The following DCLK1 variants were observed in gnomAD, a reference collection of about 807,000 sequenced individuals.
DCLK1 encodes doublecortin like kinase 1, also known as serine/threonine-protein kinase DCLK1.
A neutral mutation model predicts 86.2 loss-of-function variants in DCLK1; 16 were observed. The ratio of observed to expected loss-of-function variants is 0.19; its 90% CI spans 0.13 to 0.28. The LOEUF (loss-of-function observed/expected upper bound fraction) is 0.28. Ranked by LOEUF, DCLK1 falls within the 10% of genes least tolerant of loss-of-function variation. The probability of loss-of-function intolerance (pLI) is 1.00; values close to 1 mark genes in which losing one functional copy is unlikely to be tolerated. For synonymous variants in DCLK1, 369 were observed against 370.5 expected (o/e 1.00, Z 0.05); for missense variants, 590 against 940.2 (o/e 0.63, Z 4.87).
intron 3 of DCLK1, among the ~76,000 whole-genome samples, chr13:36,033,268 C>A (rs1882357026): frequency 3.3e-5 from 5 of 152,084 alleles, no homozygotes; most frequent in Admixed American, 3.3e-4. Flanking sequence ...TTTGTTATTG[C>A]CCATGTAATT....
intron 15 of DCLK1, among the ~76,000 whole-genome samples, chr13:35,800,535 A>G (rs1345786739): frequency 6.6e-6 from 1 of 152,178 alleles, no homozygotes; most frequent in East Asian, 1.9e-4. Context: ...AGCAAAGGGC[A>G]AGAATACGGC....
At chr13:35,910,814 C>G (rs2182487) in intron 4 of DCLK1, among the ~76,000 whole-genome samples, 52,184 of 152,082 alleles carry the variant, frequency 0.34, 9,929 homozygotes, top group African/African-American at 0.49. Flanking sequence ...AGAAGAGCAT[C>G]CTTCACACAA....
intron 14 of DCLK1, among the ~76,000 whole-genome samples, chr13:35,806,797 G>T (rs184383420): frequency 6.6e-6 from 1 of 152,322 alleles, no homozygotes; most frequent in Admixed American, 6.5e-5. Flanking sequence ...GAGCTGGACA[G>T]GTTCCTGAAG....
At position 35,871,336 on chromosome 13, in the gene DCLK1, A is replaced by G. The variant is rs1314817858; in HGVS notation, c.828T>C (p.Cys276=). 1 of 1,613,628 alleles carries G rather than the reference A, an allele frequency of 6.2e-7. No individual in the cohort carries two copies. Among genetic ancestry groups the G allele is most frequent in the African/African-American group, 1.3e-5 (1 of 74,884 alleles). Residue 276 remains cysteine (C), a synonymous_variant, in exon 5 of 17, where the codon TGT becomes TGC. Transcript: ENST00000360631. ...TGTAAGAAGTGGACTTTACCACTCG[A>G]CATTCTGGGGAAAGAACAAAAACCA... The part of the protein sequence containing the change: ...QDDFLLDESE[C]RVVKSTSYTK...
At chr13:35,882,900 C>G (rs932048144) in intron 4 of DCLK1, among the ~76,000 whole-genome samples, 2 of 152,132 alleles carry the variant, frequency 1.3e-5, no homozygotes, top group Non-Finnish European at 1.5e-5. Context: ...AAAACAAGAA[C>G]AAGAGCTGAG....
chr13:36,065,068 G>A (rs1191260657), intron 3 of DCLK1, among the ~76,000 whole-genome samples: 1 of 152,190 alleles, frequency 6.6e-6, no homozygotes, highest in African/African-American at 2.4e-5. Flanking sequence ...AAGAAAATAT[G>A]CAGTCTATGG....
chr13:36,085,882 T>C (rs1229290119), intron 3 of DCLK1, among the ~76,000 whole-genome samples: 1 of 152,140 alleles, frequency 6.6e-6, no homozygotes, highest in Non-Finnish European at 1.5e-5. Context: ...CTGGCAACTT[T>C]GAATAAACAG....
intron 3 of DCLK1, among the ~76,000 whole-genome samples, chr13:36,005,543 G>A (rs1013688168): frequency 2.0e-5 from 3 of 152,292 alleles, no homozygotes; most frequent in East Asian, 1.9e-4. Flanking sequence ...ACATGCTTTC[G>A]AAGGATATCA....
chr13:35,830,777 A>G (rs1457252418), intron 8 of DCLK1, among the ~76,000 whole-genome samples: 1 of 152,188 alleles, frequency 6.6e-6, no homozygotes, highest in Non-Finnish European at 1.5e-5. Context: ...GTGAGACTGA[A>G]AAATAAAAGC....
At chr13:36,043,820 A>C (rs754608219) in intron 3 of DCLK1, among the ~76,000 whole-genome samples, 10 of 152,232 alleles carry the variant, frequency 6.6e-5, no homozygotes, top group Non-Finnish European at 1.3e-4. Flanking sequence ...CAGATGAACA[A>C]GTTCTCACAA....
chr13:35,827,468 G>T (rs553436975), intron 10 of DCLK1, among the ~76,000 whole-genome samples, 167 bp downstream of exon 10: 1 of 152,292 alleles, frequency 6.6e-6, no homozygotes, highest in East Asian at 1.9e-4. Context: ...CCAAGGCTGG[G>T]ACTTGAGCCC....
In DCLK1 at chr13:36,062,923, A is replaced by T. The variant is rs143131039; in HGVS notation, c.723+48946T>A. On this transcript the variant is annotated intron_variant, in intron 3 of 16. Transcript: ENST00000360631. ...AATCCTGACCCAAGTGTCATCTGCA[A>T]ACTTAATGAGTATATTTCCTGAGAT... Among the ~76,000 whole-genome samples, 3 of 152,330 alleles carry T rather than the reference A, an allele frequency of 2.0e-5. No homozygotes were observed. The East Asian group carries it at 5.8e-4, about 29-fold the overall frequency.
chr13:35,773,922 A>T lies in DCLK1; in HGVS notation c.*613T>A, dbSNP rs182419184. ...CAATTCCCTCCACTTGGGATGCAGA[A>T]CTCACTGCAACTGACAGTCATATCT... On this transcript the variant is annotated 3_prime_UTR_variant, in exon 17 of 17. Transcript: ENST00000360631. 9.1e-4 allele frequency: 138 copies of T among 152,218 alleles called. No homozygotes were observed. Among genetic ancestry groups the T allele is most frequent in the Non-Finnish European group, 1.3e-3 (86 of 68,016 alleles). The allele number at this position is 152,218 out of a possible 1,614,324, so 9.4% of individuals were successfully genotyped here. A position where few individuals can be genotyped will look rare whatever the true frequency, so the allele number is the denominator to read the frequency against.
chr13:35,975,384 G>T (rs561875853), intron 3 of DCLK1, among the ~76,000 whole-genome samples: 1 of 152,298 alleles, frequency 6.6e-6, no homozygotes, highest in East Asian at 1.9e-4. Flanking sequence ...AGCTGGTCAC[G>T]GTGCCAACCT....
chr13:35,850,358 A>G, intron 6 of DCLK1: 1 of 999,472 alleles, frequency 1.0e-6, no homozygotes, highest in Non-Finnish European at 1.2e-6. Flanking sequence ...TATAATTAAG[A>G]AGAAAACTCC....
chr13:35,975,188 G>A (rs1382407381), intron 3 of DCLK1, among the ~76,000 whole-genome samples: 1 of 152,184 alleles, frequency 6.6e-6, no homozygotes, highest in Admixed American at 6.5e-5. Flanking sequence ...GGAGCAGGAG[G>A]GCAGGTGCAG....
intron 4 of DCLK1, among the ~76,000 whole-genome samples, chr13:35,886,193 A>G (rs1873228096): frequency 6.6e-6 from 1 of 151,890 alleles, no homozygotes; most frequent in Admixed American, 6.6e-5. Flanking sequence ...TTGTATTTTT[A>G]GTAGAGACGG....
At chr13:35,844,796 T>A (rs2322827) in intron 6 of DCLK1, among the ~76,000 whole-genome samples, 143,276 of 152,296 alleles carry the variant, frequency 0.94, 67,429 homozygotes, top group African/African-American at 0.96. Context: ...TGCTATGGAC[T>A]TGGATTATAT....
chr13:35,905,908 C>T (rs1297694630), intron 4 of DCLK1, among the ~76,000 whole-genome samples: 1 of 152,100 alleles, frequency 6.6e-6, no homozygotes, highest in Non-Finnish European at 1.5e-5. Flanking sequence ...CCCAGTCGCC[C>T]ATTATATATC....
Sources: gnomAD v4.1 joint callset for allele counts (sites outside exome capture counted in the v4.1 genomes callset) on GRCh38, gnomAD v4.1.1 for gene constraint, MANE v1.5 for transcripts, NCBI Gene and HGNC (gene_info 2026-07-23, HGNC 2026-07-21) for gene names.